Variants in PCDHA5 observed in about 807,000 individuals in gnomAD.
The protein encoded by PCDHA5 is protocadherin alpha 5, also known as protocadherin alpha-5.
Under a neutral mutation model 61.6 loss-of-function variants are expected in PCDHA5, and 43 were observed. The ratio of observed to expected loss-of-function variants is 0.70; its 90% confidence interval spans 0.55 to 0.90. The LOEUF is 0.90. Ranked by LOEUF, PCDHA5 falls within the 40% of genes least tolerant of loss-of-function variation. The probability of loss-of-function intolerance (pLI) is 0.00; values close to 1 mark genes in which losing one functional copy is unlikely to be tolerated. For synonymous variants in PCDHA5, 627 were observed against 543.9 expected (o/e 1.15, Z -2.13); for missense variants, 1,298 against 1,222.7 (o/e 1.06, Z -0.92).
chr5:140,966,986 C>G (rs1364396774), intron 1 of PCDHA5: 1 of 1,603,766 alleles, frequency 6.2e-7, no homozygotes, highest in African/African-American at 1.3e-5. Flanking sequence ...GCGCTTGGGG[C>G]CGGGTTGCTT....
In PCDHA5 at chr5:140,871,640, A is replaced by T; in HGVS notation, c.2352+47513A>T. 6 of 1,294,228 alleles carry T rather than the reference A, an allele frequency of 4.6e-6. No homozygotes were observed. The South Asian group carries it at 9.7e-5, about 21-fold the overall frequency. 80.2% of individuals were successfully genotyped at this position (1,294,228 alleles called of 1,614,324 possible). A position where few individuals can be genotyped will look rare whatever the true frequency, so the allele number is the denominator to read the frequency against. On this transcript the variant is annotated intron_variant, in intron 1 of 3. Transcript: ENST00000529859. The stretch of plus-strand genomic sequence containing the variant: ...TTAGATAACAATGTCTGTTCATAAA[A>T]TACCAAATGATACACATCTTCAGTC...
chr5:140,877,306 C>G (rs1554169576), intron 1 of PCDHA5: 1 of 1,613,826 alleles, frequency 6.2e-7, no homozygotes, highest in African/African-American at 1.3e-5. Context: ...CTACGAGTTG[C>G]AACCGGCGGC....
intron 1 of PCDHA5, among the ~76,000 whole-genome samples, chr5:140,903,073 T>C (rs1181656778): frequency 6.6e-6 from 1 of 152,196 alleles, no homozygotes; most frequent in Admixed American, 6.5e-5. Context: ...TTTGGGTAGA[T>C]ACCTGATAGT....
Position 140,823,610 on chromosome 5 carries a change from C to T in PCDHA5, c.1835C>T (p.Pro612Leu). ...YNAWLSYELQ[P>L]APGSARIPFR... ...GCTTGGCTTTCGTATGAGCTGCAGCCAGCGCCTGGCAGTGCGCGCATCCCG... is the reference window on the plus strand; with the variant it reads ...GCTTGGCTTTCGTATGAGCTGCAGCTAGCGCCTGGCAGTGCGCGCATCCCG... Residue 612 changes from proline to leucine, a missense_variant, in exon 1 of 4, where the codon CCA (proline) becomes CTA (leucine). Coordinates refer to ENST00000529859, the MANE Select transcript of PCDHA5 (RefSeq NM_018908.3). 1 of 1,614,002 alleles carries T rather than the reference C, an allele frequency of 6.2e-7. No homozygotes were observed. The highest frequency in any genetic ancestry group is 8.5e-7 in the Non-Finnish European group (1 of 1,179,938).
chr5:140,883,746 C>A (rs1554179687), intron 1 of PCDHA5: 1 of 1,613,326 alleles, frequency 6.2e-7, no homozygotes, highest in Non-Finnish European at 8.5e-7. Context: ...GTCTCCTACT[C>A]GCTGGTGGAG....
At chr5:140,884,556 G>T in intron 1 of PCDHA5, 1 of 1,614,154 alleles carries the variant, frequency 6.2e-7, no homozygotes, top group Non-Finnish European at 8.5e-7. Context: ...TCTGGGGAGG[G>T]CCCGCATAAG....
chr5:140,926,199 G>C (rs541337659), intron 1 of PCDHA5, among the ~76,000 whole-genome samples: 1 of 151,790 alleles, frequency 6.6e-6, no homozygotes, highest in African/African-American at 2.4e-5. Context: ...CACTTCTTTC[G>C]GGGGGCTCCT....
At chr5:140,846,948 CA>C (rs1554141582) in intron 1 of PCDHA5, among the ~76,000 whole-genome samples, 1 of 149,468 alleles carries the variant, frequency 6.7e-6, no homozygotes, top group East Asian at 1.9e-4. Flanking sequence ...CTTGAAGGGG[CA>C]TGGTGTGTTT....
chr5:141,000,361 GTCTCTCTCTCTCTCTC>G (rs148596731), intron 3 of PCDHA5, among the ~76,000 whole-genome samples: 6 of 26,448 alleles, frequency 2.3e-4, no homozygotes, highest in African/African-American at 1.2e-3. Context: ...GTCTCTCTCT[GTCTCTCTCTCTCTCTC>G]TCTCTCTCTC....
chr5:140,934,703 A>G (rs1348150058), intron 1 of PCDHA5, among the ~76,000 whole-genome samples: 1 of 152,156 alleles, frequency 6.6e-6, no homozygotes, highest in Non-Finnish European at 1.5e-5. Flanking sequence ...ATTCCTGGCC[A>G]TCTTACAAAA....
intron 1 of PCDHA5, among the ~76,000 whole-genome samples, chr5:140,955,510 T>G (rs1554221967): frequency 6.6e-6 from 1 of 152,154 alleles, no homozygotes; most frequent in Non-Finnish European, 1.5e-5. Context: ...AAAGACGTGT[T>G]TGCTTTCCCT....
intron 1 of PCDHA5, chr5:140,877,810 C>G (rs782370638): frequency 3.1e-6 from 5 of 1,610,364 alleles, no homozygotes; most frequent in Admixed American, 3.4e-5. Context: ...TCAGCTGTCT[C>G]GAGAAGATTG....
intron 1 of PCDHA5, chr5:140,926,299 C>G (rs547710989): frequency 3.9e-5 from 6 of 152,464 alleles, no homozygotes; most frequent in Admixed American, 3.9e-4. Context: ...GAGTCCCGCC[C>G]TCTCCGCCGG....
intron 1 of PCDHA5, chr5:140,926,963 A>G (rs782460460): frequency 1.2e-6 from 2 of 1,605,984 alleles, no homozygotes; most frequent in South Asian, 2.2e-5. Context: ...CAGCTCGAGT[A>G]CTCAGTGCCG....
chr5:140,910,191 CTT>C (rs1384563815), intron 1 of PCDHA5, among the ~76,000 whole-genome samples: 2 of 152,152 alleles, frequency 1.3e-5, no homozygotes, highest in Non-Finnish European at 2.9e-5. Context: ...TCAAATTAGT[CTT>C]TTGTCCACTT....
At chr5:140,889,479 T>C (rs1399086830) in intron 1 of PCDHA5, among the ~76,000 whole-genome samples, 1 of 152,184 alleles carries the variant, frequency 6.6e-6, no homozygotes, top group Admixed American at 6.5e-5. Context: ...GCTCATACTT[T>C]CTACAGAATC....
intron 1 of PCDHA5, chr5:140,929,247 T>G (rs2085977234): frequency 1.9e-6 from 3 of 1,613,780 alleles, no homozygotes. Flanking sequence ...ATCTTGCCAC[T>G]GGGGTAGGAC....
rs2150123936 is a variant in PCDHA5 at position 140,823,251 on chromosome 5, G to T, written c.1476G>T (p.Ser492=). Residue 492 remains serine, a synonymous_variant, in exon 1 of 4, where the codon TCG becomes TCT. Transcript: ENST00000529859. The part of the protein sequence containing the change: ...DAQENALVSY[S]LVERRVGERP... The stretch of plus-strand genomic sequence containing the variant: ...AGGAGAACGCCCTGGTGTCCTACTC[G>T]CTGGTGGAGCGGCGGGTGGGCGAGC... 1 of 1,613,318 alleles carries T rather than the reference G, an allele frequency of 6.2e-7. No homozygotes were observed. The highest frequency in any genetic ancestry group is 2.2e-5 in the East Asian group (1 of 44,874).
rs1554162252 is a variant in PCDHA5 at position 140,868,854 on chromosome 5, T to A, written c.2352+44727T>A. ...ACCCAAAACACGTGAAATTCTGTGG[T>A]GGTAAATGCAGTGCACAGTACTCAC... On this transcript the variant is annotated intron_variant, in intron 1 of 3. Coordinates refer to ENST00000529859, the MANE Select transcript of PCDHA5 (RefSeq NM_018908.3). 8.6e-6 allele frequency: 4 copies of A among 465,988 alleles called. 1 individual carries two copies. The highest frequency in any genetic ancestry group is 1.4e-5 in the Non-Finnish European group (4 of 277,116). The allele number at this position is 465,988 out of a possible 1,614,324, so 28.9% of individuals were successfully genotyped here. A position where few individuals can be genotyped will look rare whatever the true frequency, so the allele number is the denominator to read the frequency against.
Sources: allele counts gnomAD v4.1 joint callset (sites outside exome capture counted in the v4.1 genomes callset), GRCh38; gene constraint gnomAD v4.1.1; transcripts MANE v1.5; gene names NCBI Gene and HGNC (gene_info 2026-07-23, HGNC 2026-07-21).